Variants in SCGB2B2 observed in about 807,000 individuals in gnomAD.
SCGB2B2 encodes the protein secretoglobin family 2B member 2, also known as secretoglobin-like protein.
SCGB2B2 carries 11 observed loss-of-function variants against 7.6 expected under a neutral mutation model. The observed-to-expected ratio is 1.45, with a 90% CI of 0.91 to 2.40. The LOEUF (loss-of-function observed/expected upper bound fraction) is 2.40, where lower values mean the gene tolerates loss of function less well. Among genes scored for constraint, SCGB2B2 ranks in the 30% most tolerant of loss-of-function variants. The pLI, the probability that SCGB2B2 is intolerant of heterozygous loss-of-function variation, is 0.00. For synonymous variants in SCGB2B2, 50 were observed against 48.6 expected, an observed-to-expected ratio of 1.03 and a Z score of -0.12; for missense variants, 104 against 115.4, an observed-to-expected ratio of 0.90 and a Z score of 0.45.
At chr19:34,650,128 G>A (rs932929335) in intron 1 of SCGB2B2, among the ~76,000 whole-genome samples, 1 of 151,354 alleles carries the variant, frequency 6.6e-6, no homozygotes, top group Non-Finnish European at 1.5e-5. Flanking sequence ...AAAATCTAGC[G>A]AGAGAGGGAC....
chr19:34,587,807 T>C (rs991125610), downstream of SCGB2B2, among the ~76,000 whole-genome samples: 1 of 152,210 alleles, frequency 6.6e-6, no homozygotes, highest in Admixed American at 6.5e-5. Context: ...CTTGTACTCA[T>C]TCTGTTGATG....
In SCGB2B2 at chr19:34,593,549, C is replaced by G; in HGVS notation, c.*6G>C. On this transcript the variant is annotated 3_prime_UTR_variant, in exon 4 of 4. Coordinates refer to ENST00000601241, the MANE Select transcript of SCGB2B2 (RefSeq NM_001025591.4). ...GGCCAATATCTGATCTGCAGGGGTC[C>G]TCAGATCAGAAGGCTGCTTCTATGC... 6.5e-7 allele frequency: 1 copy of G among 1,549,444 alleles called. No individual in the cohort carries two copies. The highest frequency in any genetic ancestry group is 1.9e-4 in the Middle Eastern group (1 of 5,308).
chr19:34,661,903 T>C (rs1350479995), intron 1 of SCGB2B2, among the ~76,000 whole-genome samples: 1 of 152,072 alleles, frequency 6.6e-6, no homozygotes, highest in Admixed American at 6.5e-5. Context: ...TTTTTTGAGA[T>C]GGAGTCTTGC....
At chr19:34,639,548 G>A (rs2066783416) in intron 1 of SCGB2B2, among the ~76,000 whole-genome samples, 1 of 152,110 alleles carries the variant, frequency 6.6e-6, no homozygotes. Context: ...ATCCAGTAGG[G>A]TCCTTCTTCA....
Position 34,594,491 on chromosome 19 carries a change from C to T in SCGB2B2, c.61+12G>A, listed in dbSNP as rs1231349585. 2 of 1,613,720 alleles carry T rather than the reference C, an allele frequency of 1.2e-6. No individual in the cohort carries two copies. Among genetic ancestry groups the T allele is most frequent in the African/African-American group, 2.7e-5 (2 of 74,900 alleles). On this transcript the variant is annotated intron_variant, in intron 2 of 3. Transcript: ENST00000601241. ...CACCGCTTCCTCCCAGCCCTGCTCG[C>T]CTCTTTCTTACCCAGCTGGACGCTG...
chr19:34,629,545 G>A (rs866718937), intron 1 of SCGB2B2, among the ~76,000 whole-genome samples: 89 of 151,948 alleles, frequency 5.9e-4, no homozygotes, highest in African/African-American at 2.1e-3. Context: ...AAAATACCTA[G>A]GAATCCAACT....
chr19:34,619,496 G>A (rs767944761), intron 1 of SCGB2B2, among the ~76,000 whole-genome samples: 1 of 152,286 alleles, frequency 6.6e-6, no homozygotes, highest in Middle Eastern at 3.4e-3. Flanking sequence ...TGCATGAAGT[G>A]TCTCCAAAGA....
At position 34,593,414 on chromosome 19, in the gene SCGB2B2, C is replaced by T. The variant is rs1018231168; in HGVS notation, c.*141G>A. The T allele has an allele frequency of 9.2e-6, 6 of 649,176 alleles. No individual in the cohort carries two copies. Among genetic ancestry groups the T allele is most frequent in the Admixed American group, 7.9e-5 (3 of 38,090 alleles). 40.2% of individuals were successfully genotyped at this position (649,176 alleles called of 1,614,324 possible). On this transcript the variant is annotated 3_prime_UTR_variant, in exon 4 of 4. Transcript: ENST00000601241. ...ACTCTGCATATGCGGTCACAGCCAA[C>T]CCCACACAGATGCCAGAACACAGAA...
At chr19:34,653,466 C>A (rs2067211526) in intron 1 of SCGB2B2, among the ~76,000 whole-genome samples, 1 of 150,938 alleles carries the variant, frequency 6.6e-6, no homozygotes, top group Non-Finnish European at 1.5e-5. Context: ...ACCACTGTAA[C>A]CCATAAATAT....
chr19:34,647,221 G>A (rs1387955787), intron 1 of SCGB2B2, among the ~76,000 whole-genome samples: 1 of 152,176 alleles, frequency 6.6e-6, no homozygotes, highest in Non-Finnish European at 1.5e-5. Flanking sequence ...CACAGGGAAC[G>A]AGCACCACTC....
chr19:34,669,675 G>C (rs73589546), intron 1 of SCGB2B2, among the ~76,000 whole-genome samples: 53,992 of 123,416 alleles, frequency 0.44, 10,090 homozygotes, highest in African/African-American at 0.5. Flanking sequence ...GCATGGCCCA[G>C]GGCCGTGGGT....
At chr19:34,628,378 G>T (rs779918843) in intron 1 of SCGB2B2, among the ~76,000 whole-genome samples, 1 of 151,672 alleles carries the variant, frequency 6.6e-6, no homozygotes, top group Non-Finnish European at 1.5e-5. Flanking sequence ...CTGCTAGCAA[G>T]ACTAATAAGA....
At position 34,644,351 on chromosome 19, in the gene SCGB2B2, TTTTTTTTTTTG is replaced by T. The variant is rs1287026981; in HGVS notation, c.-2032+31268_-2032+31278del. 8.4e-3 allele frequency among the ~76,000 whole-genome samples: 862 copies of T among 102,134 alleles called. 6 individuals are homozygous for T. The highest frequency in any genetic ancestry group is 0.042 in the Middle Eastern group (8 of 192). The allele number at this position is 102,134 out of a possible 152,430, so 67.0% of individuals were successfully genotyped here. Reference sequence around the variant, plus strand: ...GCCCAGCCCCAGCCTTGTTTTTTTGTTTTTTTTTTTGTTTTTTTTTTTTTACTCTGGTAAAA... The same window carrying T: ...GCCCAGCCCCAGCCTTGTTTTTTTGTTTTTTTTTTTTTTACTCTGGTAAAA... On this transcript the variant is annotated intron_variant, in intron 1 of 3. Coordinates refer to ENST00000601241, the MANE Select transcript of SCGB2B2 (RefSeq NM_001025591.4).
At chr19:34,666,934 G>GACA (rs2067643835) in intron 1 of SCGB2B2, among the ~76,000 whole-genome samples, 1 of 152,020 alleles carries the variant, frequency 6.6e-6, no homozygotes, top group Non-Finnish European at 1.5e-5. Context: ...GTTTCTGACC[G>GACA]AGGACAAGGA....
intron 1 of SCGB2B2, among the ~76,000 whole-genome samples, chr19:34,662,686 A>G (rs1285197097): frequency 6.6e-6 from 1 of 152,184 alleles, no homozygotes; most frequent in Non-Finnish European, 1.5e-5. Context: ...AAGAAAATAT[A>G]AAGAACTCCT....
intron 1 of SCGB2B2, among the ~76,000 whole-genome samples, chr19:34,652,330 AAGAGACAACTTGCAG>A (rs1442532410): frequency 6.6e-6 from 1 of 151,266 alleles, no homozygotes; most frequent in East Asian, 1.9e-4. Context: ...CAACAGAGAG[AAGAGACAACTTGCAG>A]AGAAGAGACA....
At chr19:34,596,945 G>C (rs966294311) in intron 1 of SCGB2B2, among the ~76,000 whole-genome samples, 4 of 151,898 alleles carry the variant, frequency 2.6e-5, no homozygotes, top group African/African-American at 7.2e-5. Flanking sequence ...AGCTGGAGGG[G>C]TCTCTAGAGG....
At chr19:34,626,156 G>GA (rs1003955378) in intron 1 of SCGB2B2, among the ~76,000 whole-genome samples, 93 of 152,238 alleles carry the variant, frequency 6.1e-4, no homozygotes, top group African/African-American at 2.1e-3. Context: ...CAAAGATGGG[G>GA]AAAAAACAGA....
chr19:34,675,940 C>T lies in SCGB2B2; in HGVS notation c.-2342G>A, dbSNP rs7247948. On this transcript the variant is annotated 5_prime_UTR_variant, in exon 1 of 4. Transcript: ENST00000601241. ...CTGGCTTCAAGAGTGAAGCTGCAGACCTTCAGGGTGAGTGTTGCAGCTCAT... is the reference window on the plus strand; with the variant it reads ...CTGGCTTCAAGAGTGAAGCTGCAGATCTTCAGGGTGAGTGTTGCAGCTCAT... The T allele has an allele frequency of 0.36, 55,320 of 152,180 alleles. 10,366 individuals are homozygous for T. The highest frequency in any genetic ancestry group is 0.44 in the African/African-American group (18,171 of 41,360). 9.4% of individuals were successfully genotyped at this position (152,180 alleles called of 1,614,324 possible).
Sources: allele counts gnomAD v4.1 joint callset (sites outside exome capture counted in the v4.1 genomes callset), GRCh38; gene constraint gnomAD v4.1.1; transcripts MANE v1.5; gene names NCBI Gene and HGNC (gene_info 2026-07-23, HGNC 2026-07-21).